The following CDC42BPB variants were observed in gnomAD, a reference collection of about 807,000 sequenced individuals.
CDC42BPB encodes CDC42 binding protein kinase beta.
In CDC42BPB, 37 loss-of-function variants were observed where a neutral mutation model predicts 214.9. That is an observed-to-expected ratio of 0.17 (90% CI 0.13 to 0.23). The LOEUF (loss-of-function observed/expected upper bound fraction) is 0.23, where lower values mean the gene tolerates loss of function less well. CDC42BPB is among the 10% of genes least tolerant of loss of function. The pLI is 1.00. For missense variants in CDC42BPB, 1,694 were observed against 2,227.0 expected (o/e 0.76, Z 4.82); for synonymous variants, 931 against 884.0 (o/e 1.05, Z -0.94).
chr14:102,946,739 C>A, intron 27 of CDC42BPB, 55 bp from the exon 28 acceptor site: 3 of 1,595,486 alleles, frequency 1.9e-6, no homozygotes, highest in African/African-American at 2.7e-5. Flanking sequence ...CAAAGCCGCA[C>A]GCAGCTACCA....
In CDC42BPB at chr14:102,950,445, G is replaced by A. The variant is rs373067514; in HGVS notation, c.3309+21C>T. 2.7e-5 allele frequency: 43 copies of A among 1,611,978 alleles called. 1 individual carries two copies. Among genetic ancestry groups the A allele is most frequent in the East Asian group, 2.0e-4 (9 of 44,890 alleles). On this transcript the variant is annotated intron_variant, in intron 25 of 36. Transcript: ENST00000361246. Reference sequence around the variant, plus strand: ...CACCTCACAGGCACCGAGGGCTGAGGGCGGAGATGAAGCCGCCTACCTTGA... The same window carrying A: ...CACCTCACAGGCACCGAGGGCTGAGAGCGGAGATGAAGCCGCCTACCTTGA...
intron 5 of CDC42BPB, among the ~76,000 whole-genome samples, chr14:102,996,272 G>A (rs1369399642): frequency 3.3e-5 from 5 of 152,074 alleles, no homozygotes; most frequent in Non-Finnish European, 7.3e-5. Context: ...CCCGGGAGGC[G>A]GAGCTTGCAG....
chr14:102,937,525 T>C (rs1371180677), intron 36 of CDC42BPB, among the ~76,000 whole-genome samples: 2 of 151,846 alleles, frequency 1.3e-5, no homozygotes, highest in Non-Finnish European at 2.9e-5. Flanking sequence ...CCTCCAAGGA[T>C]GGCGCCGGGG....
At chr14:102,946,071 T>G (rs1487367489) in intron 28 of CDC42BPB, among the ~76,000 whole-genome samples, 6 of 151,936 alleles carry the variant, frequency 3.9e-5, no homozygotes, top group Non-Finnish European at 8.8e-5. Flanking sequence ...TGCAGTGGTG[T>G]GATCTCGGCT....
chr14:102,946,520 G>A lies in CDC42BPB; in HGVS notation c.3696C>T (p.Ala1232=). ...RNQVVHVPLE[A]YDSSLPLIKA... ...TGATGAGAGGCAGCGAGCTGTCGTA[G>A]GCTTCCAAGGGAACATGCACGACCT... is the stretch of plus-strand genomic sequence containing the variant. Residue 1232 remains alanine, a synonymous_variant, in exon 28 of 37, where the codon GCC becomes GCT. Transcript: ENST00000361246. 6.2e-7 allele frequency: 1 copy of A among 1,612,770 alleles called. No individual in the cohort carries two copies. Among genetic ancestry groups the A allele is most frequent in the Non-Finnish European group, 8.5e-7 (1 of 1,179,968 alleles).
At chr14:103,043,884 AT>A (rs1328853742) in intron 1 of CDC42BPB, among the ~76,000 whole-genome samples, 2 of 152,228 alleles carry the variant, frequency 1.3e-5, no homozygotes, top group African/African-American at 2.4e-5. Context: ...TTTAAAAAAA[AT>A]AATTAAATAT....
intron 9 of CDC42BPB, among the ~76,000 whole-genome samples, chr14:102,976,582 C>T (rs1457386956): frequency 6.6e-6 from 1 of 152,254 alleles, no homozygotes; most frequent in Non-Finnish European, 1.5e-5. Flanking sequence ...CAGGCTGAAG[C>T]CCAGGATGGC....
At chr14:103,013,129 C>T (rs1886249637) in intron 1 of CDC42BPB, among the ~76,000 whole-genome samples, 1 of 152,206 alleles carries the variant, frequency 6.6e-6, no homozygotes, top group African/African-American at 2.4e-5. Context: ...GAACACCTAT[C>T]GAGAGAGCAA....
chr14:102,966,164 A>T, intron 18 of CDC42BPB, 118 bp downstream of exon 18: 1 of 695,776 alleles, frequency 1.4e-6, no homozygotes, highest in Non-Finnish European at 2.4e-6. Context: ...GGAACTGGTT[A>T]CACAGAAGTC....
intron 16 of CDC42BPB, among the ~76,000 whole-genome samples, chr14:102,967,564 C>T (rs955858799): frequency 1.3e-5 from 2 of 152,210 alleles, no homozygotes; most frequent in Admixed American, 6.5e-5. Context: ...CTAGACGGTG[C>T]GGCTGCCGCA....
intron 1 of CDC42BPB, among the ~76,000 whole-genome samples, chr14:103,024,485 G>GC (rs1157591594): frequency 6.6e-6 from 1 of 152,174 alleles, no homozygotes; most frequent in Admixed American, 6.5e-5. Context: ...AGTTTGCAAA[G>GC]CATCAGTAAA....
intron 1 of CDC42BPB, among the ~76,000 whole-genome samples, chr14:103,027,474 T>C (rs972645145): frequency 1.3e-5 from 2 of 152,252 alleles, no homozygotes; most frequent in Non-Finnish European, 2.9e-5. Context: ...AACCGAAATG[T>C]CCATCAACTG....
intron 20 of CDC42BPB, among the ~76,000 whole-genome samples, chr14:102,962,105 G>A (rs1892989153): frequency 2.6e-5 from 4 of 152,170 alleles, no homozygotes; most frequent in African/African-American, 4.8e-5. Flanking sequence ...AAACCTCTAC[G>A]GAGATGCTAT....
rs567148659 is a variant in CDC42BPB, at chr14:102,959,928, T to C, written c.2822-218A>G. ...TCACTTGAAAAAGTAACCAAGGGAC[T>C]GGGTGCGGTGGCTCACGCCTGTAAT... On this transcript the variant is annotated intron_variant, in intron 20 of 36. Coordinates refer to ENST00000361246, the MANE Select transcript of CDC42BPB (RefSeq NM_006035.4). The C allele has an allele frequency of 1.3e-4, 101 of 783,932 alleles. No homozygotes were observed. The South Asian group carries it at 4.9e-3, about 38-fold the overall frequency. The allele number at this position is 783,932 out of a possible 1,614,324, so 48.6% of individuals were successfully genotyped here.
intron 1 of CDC42BPB, among the ~76,000 whole-genome samples, chr14:103,042,285 T>G (rs1245606195): frequency 6.6e-6 from 1 of 151,866 alleles, no homozygotes; most frequent in Admixed American, 6.6e-5. Flanking sequence ...TACAGAGAAC[T>G]CTTAAAATTC....
intron 16 of CDC42BPB, among the ~76,000 whole-genome samples, chr14:102,967,819 G>A (rs1466854046): frequency 6.6e-6 from 1 of 152,180 alleles, no homozygotes; most frequent in Non-Finnish European, 1.5e-5. Context: ...AACTTCGGCC[G>A]GCGCAGTGGC....
Position 102,943,013 on chromosome 14 carries a change from C to A in CDC42BPB, c.4408+878G>T, listed in dbSNP as rs186021712. Among the ~76,000 whole-genome samples, 874 of 152,284 alleles carry A rather than the reference C, an allele frequency of 5.7e-3. 10 individuals carry two copies. The highest frequency in any genetic ancestry group is 0.02 in the African/African-American group (841 of 41,542). On this transcript the variant is annotated intron_variant, in intron 30 of 36. Coordinates refer to ENST00000361246, the MANE Select transcript of CDC42BPB (RefSeq NM_006035.4). This position sits in a 1 kb window ranked among gnomAD's most constrained non-coding sequence, Gnocchi z 4.6. ...CCTCCTGAGTAGCTGGGACTACAGG[C>A]GCCCGCCACCACGCCCGGCTAATTT... is the stretch of plus-strand genomic sequence containing the variant.
intron 21 of CDC42BPB, among the ~76,000 whole-genome samples, chr14:102,955,445 C>G (rs949254919): frequency 2.0e-5 from 3 of 152,124 alleles, no homozygotes; most frequent in Admixed American, 6.6e-5. Context: ...AAGAAAAGAT[C>G]AAATAGCCAA....
chr14:103,013,537 T>C (rs1476181816), intron 1 of CDC42BPB, among the ~76,000 whole-genome samples: 1 of 152,212 alleles, frequency 6.6e-6, no homozygotes, highest in Non-Finnish European at 1.5e-5. Context: ...GAAACGGTCC[T>C]TACAGACGTA....
Sources: gnomAD v4.1 joint callset for allele counts (sites outside exome capture counted in the v4.1 genomes callset) on GRCh38, gnomAD v4.1.1 for gene constraint, Gnocchi (gnomAD v3.1) non-coding constraint, MANE v1.5 for transcripts, NCBI Gene and HGNC (gene_info 2026-07-23, HGNC 2026-07-21) for gene names.